Variants in GALNT18 observed in about 807,000 individuals in gnomAD.
GALNT18 encodes the protein GalNAc-transferase 18.
A neutral mutation model predicts 69.5 loss-of-function variants in GALNT18; 44 were observed. That is an observed-to-expected ratio of 0.63 (90% CI 0.50 to 0.81). The LOEUF is 0.81. GALNT18 is among the 40% of genes least tolerant of loss of function. The pLI is 0.00. For missense variants in GALNT18, 715 were observed against 810.0 expected (o/e 0.88, Z 1.42); for synonymous variants, 364 against 318.2 (o/e 1.14, Z -1.53).
rs536472724 is a variant in GALNT18, at chr11:11,576,741, C to T, written c.235+44618G>A. 2.0e-3 allele frequency among the ~76,000 whole-genome samples: 303 copies of T among 152,328 alleles called. 3 individuals carry two copies. The highest frequency in any genetic ancestry group is 6.8e-3 in the African/African-American group (282 of 41,564). ...TGCATGGCACTAATGAGATCGGGGT[C>T]TGCGTGTGGGGCCCACATTATCTGA... is the stretch of plus-strand genomic sequence containing the variant. On this transcript the variant is annotated intron_variant, in intron 1 of 10. Coordinates refer to ENST00000227756, the MANE Select transcript of GALNT18 (RefSeq NM_198516.3).
At chr11:11,290,236 T>C (rs1350227848) in intron 10 of GALNT18, among the ~76,000 whole-genome samples, 2 of 152,186 alleles carry the variant, frequency 1.3e-5, no homozygotes, top group Non-Finnish European at 1.5e-5. Context: ...ACGCAGGCTA[T>C]GAAGACCCCG....
At position 11,509,641 on chromosome 11, in the gene GALNT18, C is replaced by G. The variant is rs562245653; in HGVS notation, c.236-60705G>C. ...CTTTGAAGACGGAATGACTTTCCCC[C>G]CTCTCCATGCCTCCAGTCATTTCTC... On this transcript the variant is annotated intron_variant, in intron 1 of 10. Coordinates refer to ENST00000227756, the MANE Select transcript of GALNT18 (RefSeq NM_198516.3). Among the ~76,000 whole-genome samples, 6 of 152,360 alleles carry G rather than the reference C, an allele frequency of 3.9e-5. No homozygotes were observed. The East Asian group carries it at 7.7e-4, about 20-fold the overall frequency.
chr11:11,499,742 T>A (rs1037729064), intron 1 of GALNT18, among the ~76,000 whole-genome samples: 17 of 152,202 alleles, frequency 1.1e-4, no homozygotes, highest in African/African-American at 3.6e-4. Flanking sequence ...TAGCTATACC[T>A]CTTCCTGGTG....
intron 9 of GALNT18, among the ~76,000 whole-genome samples, chr11:11,316,848 TCCTG>T (rs1849765112): frequency 6.6e-6 from 1 of 152,218 alleles, no homozygotes; most frequent in East Asian, 1.9e-4. Flanking sequence ...TCATCTAAGT[TCCTG>T]CCTCCCTCTC....
intron 4 of GALNT18, among the ~76,000 whole-genome samples, chr11:11,378,407 C>T (rs991504343): frequency 6.6e-6 from 1 of 152,242 alleles, no homozygotes; most frequent in Non-Finnish European, 1.5e-5. Flanking sequence ...GGCAAAGTTA[C>T]ACACAGCAGG....
intron 10 of GALNT18, among the ~76,000 whole-genome samples, chr11:11,285,203 A>G (rs1214388889): frequency 1.3e-5 from 2 of 152,138 alleles, no homozygotes; most frequent in Non-Finnish European, 2.9e-5. Context: ...GGTTTTCCAG[A>G]GGCAGGACAA....
At chr11:11,292,509 C>T (rs148087253) in intron 10 of GALNT18, among the ~76,000 whole-genome samples, 2 of 152,312 alleles carry the variant, frequency 1.3e-5, no homozygotes, top group African/African-American at 4.8e-5. Context: ...GGCAAGGAAA[C>T]CTCTTCTCCC....
chr11:11,462,989 G>C (rs1269813172), intron 1 of GALNT18, among the ~76,000 whole-genome samples: 1 of 152,146 alleles, frequency 6.6e-6, no homozygotes. Flanking sequence ...CCCCTTAACT[G>C]TGTTGGTGCC....
chr11:11,418,483 A>G (rs1031842708), intron 3 of GALNT18, among the ~76,000 whole-genome samples: 4 of 152,120 alleles, frequency 2.6e-5, no homozygotes, highest in African/African-American at 9.7e-5. Flanking sequence ...ACCCAAATCC[A>G]TTCAATCACC....
chr11:11,402,635 A>C lies in GALNT18; in HGVS notation c.596-23371T>G, dbSNP rs1180437294. ...TCTGTCCTCAAACTTCATTATCTCAAGGCATAAGTCCTCTTTTTCATGGAT... is the reference window on the plus strand; with the variant it reads ...TCTGTCCTCAAACTTCATTATCTCACGGCATAAGTCCTCTTTTTCATGGAT... On this transcript the variant is annotated intron_variant, in intron 3 of 10. Coordinates refer to ENST00000227756, the MANE Select transcript of GALNT18 (RefSeq NM_198516.3). The surrounding 1 kb of genome is among the most constrained non-coding windows in gnomAD (Gnocchi z 4.0). Among the ~76,000 whole-genome samples, 1 of 152,204 alleles carries C rather than the reference A, an allele frequency of 6.6e-6. No homozygotes were observed. The highest frequency in any genetic ancestry group is 2.4e-5 in the African/African-American group (1 of 41,456).
In GALNT18 at chr11:11,284,908, GTTTT is replaced by G. The variant is rs58795517; in HGVS notation, c.1677+8117_1677+8120del. Among the ~76,000 whole-genome samples the G allele has an allele frequency of 2.5e-3, 207 of 82,812 alleles. 4 individuals are homozygous for G. Among genetic ancestry groups the G allele is most frequent in the East Asian group, 0.017 (53 of 3,128 alleles). The allele number at this position is 82,812 out of a possible 152,430, so 54.3% of individuals were successfully genotyped here. On this transcript the variant is annotated intron_variant, in intron 10 of 10. Coordinates refer to ENST00000227756, the MANE Select transcript of GALNT18 (RefSeq NM_198516.3). ...CTGATTTACTAGTAAAGACTTTCGTGTTTTTTTTTTTTTTTTTTTTTTAACTACT... is the reference window on the plus strand; with the variant it reads ...CTGATTTACTAGTAAAGACTTTCGTGTTTTTTTTTTTTTTTTTTAACTACT...
intron 10 of GALNT18, among the ~76,000 whole-genome samples, chr11:11,286,514 A>G (rs888191259): frequency 7.9e-5 from 12 of 152,142 alleles, no homozygotes; most frequent in African/African-American, 2.9e-4. Flanking sequence ...TCCAGTGAGC[A>G]TGCATGCATC....
chr11:11,548,192 G>A (rs1858106474), intron 1 of GALNT18, among the ~76,000 whole-genome samples: 1 of 152,186 alleles, frequency 6.6e-6, no homozygotes, highest in Admixed American at 6.5e-5. Flanking sequence ...CATGAATAAA[G>A]CCAGCACAGG....
In GALNT18 at chr11:11,440,947, C is replaced by T. The variant is rs187848708; in HGVS notation, c.428+7797G>A. 5.4e-3 allele frequency among the ~76,000 whole-genome samples: 821 copies of T among 152,322 alleles called. 5 individuals carry two copies. Among genetic ancestry groups the T allele is most frequent in the Middle Eastern group, 0.02 (6 of 294 alleles). ...GGTCACCCAGCTTATAAATGAGAGA[C>T]CTGGCCTCGGAAAGTGGGGAACCAG... On this transcript the variant is annotated intron_variant, in intron 2 of 10. Coordinates refer to ENST00000227756, the MANE Select transcript of GALNT18 (RefSeq NM_198516.3).
chr11:11,425,965 A>T (rs1029606975), intron 3 of GALNT18, among the ~76,000 whole-genome samples: 2 of 152,238 alleles, frequency 1.3e-5, no homozygotes, highest in African/African-American at 4.8e-5. Flanking sequence ...ACATTGGTCC[A>T]TTGGGATTTG....
At chr11:11,458,965 G>A (rs551819576) in intron 1 of GALNT18, among the ~76,000 whole-genome samples, 1 of 152,338 alleles carries the variant, frequency 6.6e-6, no homozygotes, top group South Asian at 2.1e-4. Context: ...TCTTCTGTAA[G>A]ATGGAGCCAG....
rs1384011616 is a variant in GALNT18 at position 11,538,786 on chromosome 11, C to A, written c.235+82573G>T. ...ACCTGGCCCCAGGGCCTGCACATCG[C>A]AGGCCCGCTGATCTCCTTACTCCTG... On this transcript the variant is annotated intron_variant, in intron 1 of 10. Coordinates refer to ENST00000227756, the MANE Select transcript of GALNT18 (RefSeq NM_198516.3). This position sits in a 1 kb window ranked among gnomAD's most constrained non-coding sequence, Gnocchi z 5.2. 6.6e-6 allele frequency among the ~76,000 whole-genome samples: 1 copy of A among 152,196 alleles called. No individual in the cohort carries two copies. Among genetic ancestry groups the A allele is most frequent in the Non-Finnish European group, 1.5e-5 (1 of 68,028 alleles).
chr11:11,419,599 A>C (rs1339148684), intron 3 of GALNT18, among the ~76,000 whole-genome samples: 1 of 116,998 alleles, frequency 8.5e-6, no homozygotes, highest in Non-Finnish European at 1.6e-5. Context: ...CCTGTCTCAA[A>C]AAAAAAAAAA....
chr11:11,287,232 C>A (rs1386601508), intron 10 of GALNT18, among the ~76,000 whole-genome samples: 1 of 152,190 alleles, frequency 6.6e-6, no homozygotes, highest in Admixed American at 6.5e-5. Flanking sequence ...ATCCTTTAGC[C>A]ATGAATTCAA....
Sources: gnomAD v4.1 joint callset for allele counts (sites outside exome capture counted in the v4.1 genomes callset) on GRCh38, gnomAD v4.1.1 for gene constraint, Gnocchi (gnomAD v3.1) non-coding constraint, MANE v1.5 for transcripts, NCBI Gene and HGNC (gene_info 2026-07-23, HGNC 2026-07-21) for gene names.